BRINP1: variants seen among roughly 807,000 people sequenced by gnomAD.
BRINP1 encodes BMP/retinoic acid-inducible neural-specific protein 1.
Under a neutral mutation model 72.9 loss-of-function variants are expected in BRINP1, and 17 were observed. That is an observed-to-expected ratio of 0.23 (90% CI 0.16 to 0.35). BRINP1 has a LOEUF of 0.35. BRINP1 is among the 10% of genes least tolerant of loss of function. BRINP1 has a pLI of 1.00. For synonymous variants in BRINP1, 418 were observed against 378.5 expected, an observed-to-expected ratio of 1.10 and a Z score of -1.21; for missense variants, 850 against 1,001.6, an observed-to-expected ratio of 0.85 and a Z score of 2.04.
chr9:119,285,295 T>A (rs1830749328), intron 2 of BRINP1, among the ~76,000 whole-genome samples: 2 of 152,008 alleles, frequency 1.3e-5, no homozygotes, highest in South Asian at 4.2e-4. Flanking sequence ...CTCAGAAGGC[T>A]GGTGCAGAAT....
At chr9:119,301,650 C>T (rs1396227200) in intron 2 of BRINP1, among the ~76,000 whole-genome samples, 1 of 152,036 alleles carries the variant, frequency 6.6e-6, no homozygotes, top group Admixed American at 6.6e-5. Flanking sequence ...TGGCATAGAA[C>T]TATACACACT....
chr9:119,328,414 C>T (rs1587962256), intron 1 of BRINP1, among the ~76,000 whole-genome samples: 1 of 152,184 alleles, frequency 6.6e-6, no homozygotes, highest in African/African-American at 2.4e-5. Flanking sequence ...GCTCTCCTTT[C>T]TCCCTACCAG....
intron 1 of BRINP1, among the ~76,000 whole-genome samples, chr9:119,344,424 AG>A (rs1277517046): frequency 2.6e-5 from 4 of 152,226 alleles, no homozygotes; most frequent in Non-Finnish European, 4.4e-5. Context: ...TTAAAAGTAA[AG>A]GTCATACTGT....
intron 3 of BRINP1, among the ~76,000 whole-genome samples, chr9:119,247,437 G>A (rs1217658839): frequency 3.3e-5 from 5 of 152,020 alleles, no homozygotes; most frequent in Middle Eastern, 3.4e-3. Context: ...CGGATCACGA[G>A]GTCAGGAGAT....
chr9:119,337,281 G>A (rs2119018291), intron 1 of BRINP1, among the ~76,000 whole-genome samples: 1 of 152,296 alleles, frequency 6.6e-6, no homozygotes, highest in African/African-American at 2.4e-5. Flanking sequence ...GAATGACGTG[G>A]CCAGGTGTAG....
chr9:119,351,655 T>A (rs1481287037), intron 1 of BRINP1, among the ~76,000 whole-genome samples: 1 of 152,116 alleles, frequency 6.6e-6, no homozygotes, highest in African/African-American at 2.4e-5. Flanking sequence ...CTCTTGAAGC[T>A]TACAGTCCTA....
chr9:119,316,062 T>A (rs1248389793), intron 1 of BRINP1, among the ~76,000 whole-genome samples: 1 of 152,186 alleles, frequency 6.6e-6, no homozygotes, highest in Non-Finnish European at 1.5e-5. Flanking sequence ...CAATTATTGA[T>A]GAAGATGGCT....
At chr9:119,269,090 C>G (rs78743658) in intron 2 of BRINP1, among the ~76,000 whole-genome samples, 3,305 of 152,302 alleles carry the variant, frequency 0.022, 90 homozygotes, top group African/African-American at 0.073. Flanking sequence ...CCTCCACAGG[C>G]TTCCTGTTAG....
chr9:119,170,296 G>A (rs1334525658), intron 7 of BRINP1, among the ~76,000 whole-genome samples: 7 of 151,928 alleles, frequency 4.6e-5, no homozygotes, highest in Non-Finnish European at 7.4e-5. Flanking sequence ...AGGAGCTGAT[G>A]GAGCTGAAAA....
intron 2 of BRINP1, among the ~76,000 whole-genome samples, chr9:119,251,969 T>C (rs1001550568): frequency 6.6e-6 from 1 of 152,220 alleles, no homozygotes; most frequent in Non-Finnish European, 1.5e-5. Context: ...TCTGGTTCTC[T>C]AAGTCCCTCT....
intron 1 of BRINP1, among the ~76,000 whole-genome samples, chr9:119,358,467 G>A (rs1005868643): frequency 2.6e-5 from 4 of 151,730 alleles, no homozygotes; most frequent in Admixed American, 6.6e-5. Context: ...GCTGAGGTGG[G>A]CAGATCACCT....
intron 1 of BRINP1, among the ~76,000 whole-genome samples, chr9:119,330,945 T>A (rs1450263285): frequency 6.6e-6 from 1 of 152,138 alleles, no homozygotes; most frequent in Non-Finnish European, 1.5e-5. Context: ...GAGAATTGCT[T>A]GAACCCAGCA....
chr9:119,176,211 A>G (rs528465232), intron 7 of BRINP1, among the ~76,000 whole-genome samples: 1 of 152,326 alleles, frequency 6.6e-6, no homozygotes, highest in Admixed American at 6.5e-5. Context: ...CCTGGCTCAC[A>G]GCTGTGGCTT....
At chr9:119,367,097 T>C (rs139580239) in intron 1 of BRINP1, among the ~76,000 whole-genome samples, 3,879 of 151,648 alleles carry the variant, frequency 0.026, 111 homozygotes, top group South Asian at 0.11. Context: ...GGACAGAGAA[T>C]GGTATGTCTG....
intron 2 of BRINP1, among the ~76,000 whole-genome samples, chr9:119,253,321 C>A (rs561830090): frequency 6.6e-6 from 1 of 152,206 alleles, no homozygotes; most frequent in African/African-American, 2.4e-5. Context: ...CTTATCACAG[C>A]ACTATTTACA....
intron 2 of BRINP1, among the ~76,000 whole-genome samples, chr9:119,300,539 A>T (rs916007239): frequency 2.6e-5 from 4 of 152,190 alleles, no homozygotes; most frequent in Non-Finnish European, 5.9e-5. Flanking sequence ...ATTAAAAAAT[A>T]AAAAATAATA....
intron 5 of BRINP1, 26 bp downstream of exon 5, chr9:119,238,629 C>T (rs368591019): frequency 6.8e-7 from 1 of 1,473,188 alleles, no homozygotes; most frequent in East Asian, 2.3e-5. Context: ...CCCCAACTGA[C>T]CCCACTTTTT....
intron 2 of BRINP1, among the ~76,000 whole-genome samples, chr9:119,251,822 G>A (rs1303258784): frequency 3.3e-5 from 5 of 152,046 alleles, no homozygotes; most frequent in African/African-American, 7.2e-5. Flanking sequence ...GGCAGCTTGC[G>A]GCTTGAGTCC....
In BRINP1 at chr9:119,282,872, T is replaced by G. The variant is rs116100860; in HGVS notation, c.218+30266A>C. 3,034 of 985,370 alleles carry G rather than the reference T, an allele frequency of 3.1e-3. 58 individuals carry two copies. In the African/African-American group the frequency reaches 0.048, roughly 16 times the overall value. The allele number at this position is 985,370 out of a possible 1,614,324, so 61.0% of individuals were successfully genotyped here. On this transcript the variant is annotated intron_variant, in intron 2 of 7. Coordinates refer to ENST00000265922, the MANE Select transcript of BRINP1 (RefSeq NM_014618.3). ...GCAGTGATAGATTACCTCTTACGGTTGCGCTTTTCCCTGTGTACCGCAAAC... is the reference window on the plus strand; with the variant it reads ...GCAGTGATAGATTACCTCTTACGGTGGCGCTTTTCCCTGTGTACCGCAAAC...
Sources: gnomAD v4.1 joint callset for allele counts (sites outside exome capture counted in the v4.1 genomes callset) on GRCh38, gnomAD v4.1.1 for gene constraint, MANE v1.5 for transcripts, NCBI Gene and HGNC (gene_info 2026-07-23, HGNC 2026-07-21) for gene names.